The following CSMD1 variants were observed in gnomAD, a reference collection of about 807,000 sequenced individuals.
CSMD1 encodes the protein CUB and Sushi multiple domains 1.
In CSMD1, 213 loss-of-function variants were observed where a neutral mutation model predicts 417.5. The observed-to-expected ratio is 0.51, with a 90% CI of 0.46 to 0.57. The LOEUF (loss-of-function observed/expected upper bound fraction) is 0.57, where lower values mean the gene tolerates loss of function less well. CSMD1 is among the 20% of genes least tolerant of loss of function. The probability of loss-of-function intolerance (pLI) is 0.00; values close to 1 mark genes in which losing one functional copy is unlikely to be tolerated. For synonymous variants in CSMD1, 2,862 were observed against 1,736.8 expected, an observed-to-expected ratio of 1.65 and a Z score of -16.11; for missense variants, 6,923 against 4,529.7, an observed-to-expected ratio of 1.53 and a Z score of -15.17.
intron 3 of CSMD1, among the ~76,000 whole-genome samples, chr8:4,247,740 T>A (rs1293894719): frequency 6.6e-6 from 1 of 152,158 alleles, no homozygotes; most frequent in Non-Finnish European, 1.5e-5. Context: ...AAATGTATCA[T>A]CAACTGCTGA....
intron 1 of CSMD1, among the ~76,000 whole-genome samples, chr8:4,973,000 C>T (rs934358505): frequency 1.1e-4 from 16 of 152,012 alleles, no homozygotes; most frequent in Non-Finnish European, 2.2e-4. Flanking sequence ...GTGATTTGAT[C>T]CCATCGTTTT....
At chr8:3,343,171 C>G in intron 23 of CSMD1, 123 bp downstream of exon 23, 1 of 745,390 alleles carries the variant, frequency 1.3e-6, no homozygotes, top group East Asian at 2.7e-5. Context: ...CAGAATTAAA[C>G]TGCAATCAAA....
chr8:4,360,121 G>A (rs1801666623), intron 3 of CSMD1, among the ~76,000 whole-genome samples: 1 of 152,126 alleles, frequency 6.6e-6, no homozygotes, highest in African/African-American at 2.4e-5. Flanking sequence ...TTTCCTCTCT[G>A]CAGGTTTGGC....
At chr8:4,068,576 A>C (rs1334283487) in intron 3 of CSMD1, among the ~76,000 whole-genome samples, 2 of 152,214 alleles carry the variant, frequency 1.3e-5, no homozygotes, top group African/African-American at 2.4e-5. Context: ...ACCTTCTCAA[A>C]TGAGGTGTTT....
chr8:4,868,406 T>G (rs183985536), intron 1 of CSMD1, among the ~76,000 whole-genome samples: 1 of 152,134 alleles, frequency 6.6e-6, no homozygotes, highest in Admixed American at 6.5e-5. Context: ...GACTAATTTT[T>G]GTACTTTTAG....
intron 26 of CSMD1, among the ~76,000 whole-genome samples, chr8:3,272,342 C>T (rs1034544740): frequency 2.0e-5 from 3 of 147,742 alleles, no homozygotes; most frequent in African/African-American, 7.4e-5. Flanking sequence ...AGCCTTGTAG[C>T]ATAGTTTGAA....
intron 4 of CSMD1, among the ~76,000 whole-genome samples, chr8:4,000,315 C>T (rs998211362): frequency 6.6e-6 from 1 of 152,230 alleles, no homozygotes; most frequent in Non-Finnish European, 1.5e-5. Flanking sequence ...GCCCAGCTCG[C>T]CACAGTTTTT....
At chr8:4,589,857 T>A (rs562399033) in intron 2 of CSMD1, among the ~76,000 whole-genome samples, 180 of 152,342 alleles carry the variant, frequency 1.2e-3, no homozygotes, top group Admixed American at 2.0e-3. Context: ...TTAATAATTT[T>A]CAGAATCTAT....
At chr8:3,717,328 T>TA (rs1212753226) in intron 6 of CSMD1, among the ~76,000 whole-genome samples, 1 of 152,234 alleles carries the variant, frequency 6.6e-6, no homozygotes, top group African/African-American at 2.4e-5. Context: ...GTCAGTTGTT[T>TA]AAATATGATT....
intron 5 of CSMD1, among the ~76,000 whole-genome samples, chr8:3,832,624 G>A (rs1269483075): frequency 2.6e-5 from 4 of 152,100 alleles, no homozygotes; most frequent in African/African-American, 9.7e-5. Context: ...GGTTCTTGAA[G>A]GAGTCGAAGA....
intron 3 of CSMD1, among the ~76,000 whole-genome samples, chr8:4,261,172 G>A (rs983490269): frequency 1.3e-5 from 2 of 152,134 alleles, no homozygotes; most frequent in East Asian, 1.9e-4. Flanking sequence ...TGTCTATTCT[G>A]CTAAATAATC....
At chr8:3,960,561 T>C (rs1271234870) in intron 5 of CSMD1, among the ~76,000 whole-genome samples, 3 of 152,140 alleles carry the variant, frequency 2.0e-5, no homozygotes, top group Non-Finnish European at 4.4e-5. Context: ...TTTTTAGTCT[T>C]GAGGATTTAA....
intron 3 of CSMD1, among the ~76,000 whole-genome samples, chr8:4,349,374 A>G (rs1800956618): frequency 6.6e-6 from 1 of 152,190 alleles, no homozygotes. Context: ...TTTTTCTTAA[A>G]GCATCCTTTT....
In CSMD1 at chr8:4,780,938, T is replaced by C. The variant is rs73499942; in HGVS notation, c.86-143380A>G. ...AATTATTTTTTAAAAGCATAAGTCT[T>C]TATAAGGCTCAAGCAATGACCTGTT... On this transcript the variant is annotated intron_variant, in intron 1 of 69. Coordinates refer to ENST00000635120, the MANE Select transcript of CSMD1 (RefSeq NM_033225.6). Among the ~76,000 whole-genome samples, 630 of 152,332 alleles carry C rather than the reference T, an allele frequency of 4.1e-3. 9 individuals are homozygous for C. Among genetic ancestry groups the C allele is most frequent in the African/African-American group, 0.014 (580 of 41,576 alleles).
At chr8:3,463,848 T>C (rs1258271527) in intron 12 of CSMD1, among the ~76,000 whole-genome samples, 2 of 152,190 alleles carry the variant, frequency 1.3e-5, no homozygotes, top group African/African-American at 4.8e-5. Context: ...ATCTCCTACA[T>C]TCCTGTATTC....
intron 2 of CSMD1, among the ~76,000 whole-genome samples, chr8:4,632,265 C>T (rs1802563923): frequency 6.6e-6 from 1 of 152,154 alleles, no homozygotes; most frequent in Non-Finnish European, 1.5e-5. Context: ...TATCTTCCAG[C>T]ACTTTGGGAG....
intron 4 of CSMD1, among the ~76,000 whole-genome samples, chr8:4,006,870 C>T (rs1256526158): frequency 7.1e-6 from 1 of 141,578 alleles, no homozygotes; most frequent in Admixed American, 7.2e-5. Context: ...CTCTGTTGCC[C>T]AGGCTGGAGT....
At chr8:3,187,796 C>A in intron 36 of CSMD1, 73 bp downstream of exon 36, 1 of 1,082,776 alleles carries the variant, frequency 9.2e-7, no homozygotes, top group Non-Finnish European at 1.4e-6. Context: ...GGAGTGTTTG[C>A]TGTTATTTAT....
chr8:4,560,624 G>T (rs1215909785), intron 2 of CSMD1, among the ~76,000 whole-genome samples: 6 of 152,218 alleles, frequency 3.9e-5, no homozygotes, highest in Non-Finnish European at 5.9e-5. Context: ...CCACGGTTTA[G>T]TCCTCATGTG....
Sources: gnomAD v4.1 joint callset for allele counts (sites outside exome capture counted in the v4.1 genomes callset) on GRCh38, gnomAD v4.1.1 for gene constraint, MANE v1.5 for transcripts, NCBI Gene and HGNC (gene_info 2026-07-23, HGNC 2026-07-21) for gene names.